Variants in AGAP2 observed in about 807,000 individuals in gnomAD.
The protein encoded by AGAP2 is arf-GAP with GTPase, ANK repeat and PH domain-containing protein 2.
AGAP2 carries 32 observed loss-of-function variants against 110.9 expected under a neutral mutation model. That is an observed-to-expected ratio of 0.29 (90% CI 0.22 to 0.39). The LOEUF is 0.39. Ranked by LOEUF, AGAP2 falls within the 10% of genes least tolerant of loss-of-function variation. The pLI, the probability that AGAP2 is intolerant of heterozygous loss-of-function variation, is 1.00. For missense variants in AGAP2, 1,285 were observed against 1,638.5 expected, an observed-to-expected ratio of 0.78 and a Z score of 3.72; for synonymous variants, 702 against 713.0, an observed-to-expected ratio of 0.98 and a Z score of 0.25.
intron 12 of AGAP2, 69 bp from the exon 13 acceptor site, chr12:57,729,836 C>T: frequency 6.5e-7 from 1 of 1,535,754 alleles, no homozygotes; most frequent in Non-Finnish European, 8.7e-7. Flanking sequence ...GATAGCCTGT[C>T]TCATTCCCTG....
In AGAP2 at chr12:57,738,477, G is replaced by A. The variant is rs2140369553; in HGVS notation, c.-231C>T. The A allele has an allele frequency of 3.7e-6, 1 of 270,416 alleles. No homozygotes were observed. The highest frequency in any genetic ancestry group is 1.8e-4 in the East Asian group (1 of 5,568). The allele number at this position is 270,416 out of a possible 1,614,324, so 16.8% of individuals were successfully genotyped here. On this transcript the variant is annotated 5_prime_UTR_variant, in exon 1 of 19. Coordinates refer to ENST00000547588, the MANE Select transcript of AGAP2 (RefSeq NM_001122772.3). This position sits in a 1 kb window ranked among gnomAD's most constrained non-coding sequence, Gnocchi z 6.7. ...CGCCCTGCGCCCCCACCCTCTTGGA[G>A]CCCCGGGACCTTGGTGCTGCTCCAG...
intron 13 of AGAP2, among the ~76,000 whole-genome samples, chr12:57,728,745 C>T (rs1014865276): frequency 6.6e-6 from 1 of 151,672 alleles, no homozygotes; most frequent in African/African-American, 2.4e-5. Flanking sequence ...GAAGCTGGGG[C>T]GCAGGGCTGA....
At chr12:57,731,726 C>G in intron 8 of AGAP2, 83 bp downstream of exon 8, 1 of 1,594,132 alleles carries the variant, frequency 6.3e-7, no homozygotes, top group South Asian at 1.1e-5. Flanking sequence ...AAGAAGGGCC[C>G]AACAGAGGAG....
chr12:57,742,015 A>G, upstream of AGAP2: 1 of 1,614,026 alleles, frequency 6.2e-7, no homozygotes, highest in South Asian at 1.1e-5. Context: ...TGGCCACCTC[A>G]TGTCGTCTGA....
At chr12:57,730,112 C>CTA (rs201186091) in intron 12 of AGAP2, among the ~76,000 whole-genome samples, 23 of 117,102 alleles carry the variant, frequency 2.0e-4, no homozygotes, top group South Asian at 7.8e-4. Flanking sequence ...TATTTGCATA[C>CTA]TATATATATA....
Position 57,735,355 on chromosome 12 carries a change from A to T in AGAP2, c.1227+14T>A, listed in dbSNP as rs781656411. On this transcript the variant is annotated intron_variant, in intron 2 of 18. Coordinates refer to ENST00000547588, the MANE Select transcript of AGAP2 (RefSeq NM_001122772.3). ...GTCAGCCTTCCCTATAGGCAAGGGG[A>T]CTGGGTTACCTACCAGGCGCAGTTC... is the stretch of plus-strand genomic sequence containing the variant. 42 of 1,613,476 alleles carry T rather than the reference A, an allele frequency of 2.6e-5. 2 individuals are homozygous for T. In the South Asian group the frequency reaches 4.0e-4, roughly 15 times the overall value.
chr12:57,730,250 G>T, intron 12 of AGAP2: 1 of 543,338 alleles, frequency 1.8e-6, no homozygotes, highest in Non-Finnish European at 3.2e-6. Flanking sequence ...GGAAACTGAG[G>T]CACGGAGAGG....
intron 13 of AGAP2, 23 bp from the exon 14 acceptor site, chr12:57,728,400 A>T: frequency 6.2e-7 from 1 of 1,612,528 alleles, no homozygotes. Flanking sequence ...AGCGAAGGAG[A>T]TAGAGATAGA....
At chr12:57,728,172 C>T in intron 14 of AGAP2, 87 bp from the exon 15 acceptor site, 15 of 1,536,334 alleles carry the variant, frequency 9.8e-6, no homozygotes, top group Non-Finnish European at 1.3e-5. Context: ...GATGTCCATC[C>T]CGAGCCCCTG....
At position 57,737,702 on chromosome 12, in the gene AGAP2, G is replaced by A. The variant is rs1019107673; in HGVS notation, c.545C>T (p.Pro182Leu). 14 of 1,549,912 alleles carry A rather than the reference G, an allele frequency of 9.0e-6. No homozygotes were observed. The highest frequency in any genetic ancestry group is 3.9e-5 in the Admixed American group (2 of 51,898). ...GTGSRRLKVA[P>L]PPPAPKPCKT... ...GCAAGGCTTGGGAGCCGGCGGAGGA[G>A]GCGCCACCTTGAGCCTCCGGCTGCC... The change falls in exon 1 of 19, where the codon CCT (proline) becomes CTT (leucine). Residue 182 changes from proline (P) to leucine (L), a missense_variant. Transcript: ENST00000547588. This position sits in a 1 kb window ranked among gnomAD's most constrained non-coding sequence, Gnocchi z 5.9.
At chr12:57,732,035 C>G (rs534322440) in intron 7 of AGAP2, 68 bp from the exon 8 acceptor site, 1 of 1,528,142 alleles carries the variant, frequency 6.5e-7, no homozygotes, top group East Asian at 2.3e-5. Flanking sequence ...ACTCATATCT[C>G]GTTATGGGGA....
chr12:57,740,702 TG>T (rs1955067093), upstream of AGAP2, among the ~76,000 whole-genome samples: 1 of 152,168 alleles, frequency 6.6e-6, no homozygotes, highest in South Asian at 2.1e-4. Flanking sequence ...CCCCTTGGTC[TG>T]CCTTTCCAAA....
chr12:57,726,473 G>T lies in AGAP2; in HGVS notation c.*79C>A. The T allele has an allele frequency of 8.8e-7, 1 of 1,132,904 alleles. No homozygotes were observed. The highest frequency in any genetic ancestry group is 4.4e-5 in the East Asian group (1 of 22,578). 70.2% of individuals were successfully genotyped at this position (1,132,904 alleles called of 1,614,324 possible). A position where few individuals can be genotyped will look rare whatever the true frequency, so the allele number is the denominator to read the frequency against. On this transcript the variant is annotated 3_prime_UTR_variant, in exon 19 of 19. Coordinates refer to ENST00000547588, the MANE Select transcript of AGAP2 (RefSeq NM_001122772.3). This position sits in a 1 kb window ranked among gnomAD's most constrained non-coding sequence, Gnocchi z 5.7. ...GGGGTGCGGATCGGAGAGGTGAGTG[G>T]GTGCGTCTGTCCAGCGGTCCGCCCG...
rs374886848 is a variant in AGAP2 at position 57,731,384 on chromosome 12, G to C, written c.2127C>G (p.Leu709=). Residue 709 remains leucine (L), a synonymous_variant, in exon 10 of 19, where the codon CTC becomes CTG. Coordinates refer to ENST00000547588, the MANE Select transcript of AGAP2 (RefSeq NM_001122772.3). ...YVTLSSNGFL[L]YHPSINDYIH... Reference sequence around the variant, plus strand: ...CACTCACGTTAATACTGGGGTGGTAGAGTAGAAAGCCATTACTGGACAGGG... The same window carrying C: ...CACTCACGTTAATACTGGGGTGGTACAGTAGAAAGCCATTACTGGACAGGG... 4.3e-6 allele frequency: 7 copies of C among 1,613,996 alleles called. No individual in the cohort carries two copies. Among genetic ancestry groups the C allele is most frequent in the Non-Finnish European group, 5.9e-6 (7 of 1,179,822 alleles).
At chr12:57,739,658 G>A (rs1372868167), upstream of AGAP2, 1 of 152,448 alleles carries the variant, frequency 6.6e-6, no homozygotes, top group Non-Finnish European at 1.5e-5. Context: ...AGAAACAGCG[G>A]GCAGAAGCAG....
In AGAP2 at chr12:57,730,831, G is replaced by A. The variant is rs142624882; in HGVS notation, c.2268C>T (p.Leu756=). The change falls in exon 11 of 19, where the codon CTC becomes CTT. Residue 756 remains leucine (L), a synonymous_variant. Transcript: ENST00000547588. ...TCTGGACAGTGCTCATGTCCTTGAC[G>A]AGCCCGTTAATGCTGGCTGAGGGGC... ...AFGPSASING[L]VKDMSTVQMG... The A allele has an allele frequency of 7.0e-5, 113 of 1,613,852 alleles. No homozygotes were observed. The highest frequency in any genetic ancestry group is 2.8e-4 in the African/African-American group (21 of 74,918).
chr12:57,729,903 C>CCCT, intron 12 of AGAP2, 136 bp from the exon 13 acceptor site: 1 of 1,267,852 alleles, frequency 7.9e-7, no homozygotes, highest in African/African-American at 1.5e-5. Context: ...CAGGAGTTCC[C>CCCT]CCTTGATCAT....
At chr12:57,729,526 T>C (rs1954843312) in intron 13 of AGAP2, 113 bp downstream of exon 13, 2 of 1,443,916 alleles carry the variant, frequency 1.4e-6, no homozygotes, top group Admixed American at 2.2e-5. Flanking sequence ...GTGGTAATGG[T>C]AGTCAAGCAC....
rs1323722681 is a variant in AGAP2, at chr12:57,727,068, G to T, written c.3242C>A (p.Pro1081Gln). The T allele has an allele frequency of 1.3e-6, 2 of 1,598,084 alleles. No homozygotes were observed. Among genetic ancestry groups the T allele is most frequent in the South Asian group, 2.2e-5 (2 of 89,276 alleles). ...TGGGTCCTCTACGCTGGTGTCGAGC[G>T]GCCCGTGTCGCGCATGGGCCAAAAG... The part of the protein sequence containing the change: ...LLLLAHARHG[P>Q]LDTSVEDPQL... Residue 1081 changes from proline to glutamine, a missense_variant, in exon 18 of 19, where the codon CCG (proline) becomes CAG (glutamine). This residue lies in a region of AGAP2 where 201 missense variants were observed against 276.1 expected (regional missense o/e 0.73). Coordinates refer to ENST00000547588, the MANE Select transcript of AGAP2 (RefSeq NM_001122772.3).
Sources: gnomAD v4.1 joint callset for allele counts (sites outside exome capture counted in the v4.1 genomes callset) on GRCh38, gnomAD v4.1.1 for gene constraint, gnomAD v4.1.1 regional missense constraint, Gnocchi (gnomAD v3.1) non-coding constraint, MANE v1.5 for transcripts, NCBI Gene and HGNC (gene_info 2026-07-23, HGNC 2026-07-21) for gene names.